The following UTS2 variants were observed in gnomAD, a reference collection of about 807,000 sequenced individuals.
UTS2 encodes the protein urotensin 2, also known as urotensin-2.
Under a neutral mutation model 12.6 loss-of-function variants are expected in UTS2, and 10 were observed. The observed-to-expected ratio is 0.80, with a 90% CI of 0.49 to 1.35. The LOEUF is 1.35. UTS2 is among the 40% of genes most tolerant of loss of function. UTS2 has a pLI of 0.00. For missense variants in UTS2, 142 were observed against 143.2 expected, an observed-to-expected ratio of 0.99 and a Z score of 0.04; for synonymous variants, 52 against 50.0, an observed-to-expected ratio of 1.04 and a Z score of -0.17.
the UTS2 span, among the ~76,000 whole-genome samples, chr1:7,885,178 A>G: frequency 8.0e-5 from 12 of 150,160 alleles, no homozygotes; most frequent in African/African-American, 2.7e-4. Flanking sequence ...CTTTTATTTC[A>G]TTGTATATAA....
At chr1:7,889,085 GAA>G in the UTS2 span, among the ~76,000 whole-genome samples, 4 of 135,496 alleles carry the variant, frequency 3.0e-5, no homozygotes, top group Non-Finnish European at 3.2e-5. Flanking sequence ...ACTTTTTGAT[GAA>G]AAAAAAAAAA....
the UTS2 span, among the ~76,000 whole-genome samples, chr1:7,873,597 G>A: frequency 6.6e-6 from 1 of 152,224 alleles, no homozygotes; most frequent in Non-Finnish European, 1.5e-5. Context: ...GGAATCCGAA[G>A]ATGTGACTCA....
chr1:7,875,931 G>T, the UTS2 span, among the ~76,000 whole-genome samples: 2 of 152,112 alleles, frequency 1.3e-5, no homozygotes, highest in African/African-American at 4.8e-5. Context: ...CATGCCAGAA[G>T]GGAACCTAGG....
At chr1:7,876,306 C>T in the UTS2 span, among the ~76,000 whole-genome samples, 2 of 152,160 alleles carry the variant, frequency 1.3e-5, no homozygotes, top group African/African-American at 4.8e-5. Flanking sequence ...CACCAGCACC[C>T]ACACACATCA....
chr1:7,872,299 C>CAAAAAAAAAAAAAAAAAAGAAAAA, the UTS2 span, among the ~76,000 whole-genome samples: 1 of 65,886 alleles, frequency 1.5e-5, no homozygotes, highest in African/African-American at 5.7e-5. Context: ...GACTCTGTCT[C>CAAAAAAAAAAAAAAAAAAGAAAAA]AAAAAAAAAA....
At chr1:7,854,502 A>G (rs1196079971), upstream of UTS2, among the ~76,000 whole-genome samples, 1 of 122,388 alleles carries the variant, frequency 8.2e-6, no homozygotes, top group Non-Finnish European at 1.7e-5. Flanking sequence ...ACAGAGCGAG[A>G]CCATGTCTCA....
chr1:7,909,012 G>T, the UTS2 span, among the ~76,000 whole-genome samples: 2 of 151,844 alleles, frequency 1.3e-5, no homozygotes, highest in Non-Finnish European at 1.5e-5. Context: ...TTACCATATT[G>T]GCCAGGCTGA....
the UTS2 span, among the ~76,000 whole-genome samples, chr1:7,902,448 C>A: frequency 6.6e-6 from 1 of 152,110 alleles, no homozygotes; most frequent in African/African-American, 2.4e-5. Flanking sequence ...CTAAAGATGG[C>A]CTGGGTCGTC....
At chr1:7,906,734 T>C in the UTS2 span, among the ~76,000 whole-genome samples, 2 of 152,162 alleles carry the variant, frequency 1.3e-5, no homozygotes, top group East Asian at 3.9e-4. Flanking sequence ...CCAATATGGA[T>C]GCCGGTACCA....
At chr1:7,867,552 G>A in the UTS2 span, among the ~76,000 whole-genome samples, 1 of 152,156 alleles carries the variant, frequency 6.6e-6, no homozygotes, top group South Asian at 2.1e-4. Flanking sequence ...GCTTAGGGAA[G>A]CCACTCCTGC....
the UTS2 span, among the ~76,000 whole-genome samples, chr1:7,859,829 C>A: frequency 6.6e-6 from 1 of 152,242 alleles, no homozygotes; most frequent in East Asian, 1.9e-4. Flanking sequence ...AAAACCCTGT[C>A]TCTACAAAAA....
At chr1:7,884,044 C>T in the UTS2 span, among the ~76,000 whole-genome samples, 1 of 152,080 alleles carries the variant, frequency 6.6e-6, no homozygotes, top group Non-Finnish European at 1.5e-5. Context: ...GAACTCCTGG[C>T]CTCAGGTGAT....
chr1:7,887,587 C>G, the UTS2 span, among the ~76,000 whole-genome samples: 1 of 105,790 alleles, frequency 9.5e-6, no homozygotes, highest in African/African-American at 4.2e-5. Context: ...GAGACCCAGT[C>G]TCTACAAAAA....
chr1:7,892,117 C>T, the UTS2 span, among the ~76,000 whole-genome samples: 3 of 152,226 alleles, frequency 2.0e-5, no homozygotes, highest in Non-Finnish European at 2.9e-5. Context: ...TGCCTGACAG[C>T]AGCGCTGCAG....
chr1:7,851,632 G>T (rs957738304), intron 1 of UTS2, among the ~76,000 whole-genome samples: 15 of 152,170 alleles, frequency 9.9e-5, no homozygotes, highest in Admixed American at 8.5e-4. Flanking sequence ...GGACCAGCGT[G>T]CCACAGGCTT....
the UTS2 span, among the ~76,000 whole-genome samples, chr1:7,891,483 A>G: frequency 6.6e-6 from 1 of 151,236 alleles, no homozygotes; most frequent in African/African-American, 2.4e-5. Flanking sequence ...CTGAGGTTGC[A>G]CCTCTGAACT....
At chr1:7,861,967 C>G in the UTS2 span, among the ~76,000 whole-genome samples, 1 of 150,654 alleles carries the variant, frequency 6.6e-6, no homozygotes, top group Non-Finnish European at 1.5e-5. Flanking sequence ...GGCTGGAGTG[C>G]AGTGGCACAA....
At chr1:7,907,770 C>T in the UTS2 span, among the ~76,000 whole-genome samples, 1 of 152,150 alleles carries the variant, frequency 6.6e-6, no homozygotes, top group Non-Finnish European at 1.5e-5. Context: ...CAACTCCAAA[C>T]TCAGAGTAGG....
At chr1:7,876,831 A>C in the UTS2 span, among the ~76,000 whole-genome samples, 1 of 150,294 alleles carries the variant, frequency 6.7e-6, no homozygotes, top group Non-Finnish European at 1.5e-5. Context: ...ATGTGTAGAT[A>C]TCAATATAAG....
Sources: allele counts gnomAD v4.1 joint callset (sites outside exome capture counted in the v4.1 genomes callset), GRCh38; gene constraint gnomAD v4.1.1; transcripts MANE v1.5; gene names NCBI Gene and HGNC (gene_info 2026-07-23, HGNC 2026-07-21).